FAM193A: variants seen among roughly 807,000 people sequenced by gnomAD.
The protein encoded by FAM193A is protein FAM193A.
In FAM193A, 22 loss-of-function variants were observed where a neutral mutation model predicts 126.5. The ratio of observed to expected loss-of-function variants is 0.17; its 90% CI spans 0.12 to 0.25. The LOEUF (loss-of-function observed/expected upper bound fraction) is 0.25, where lower values mean the gene tolerates loss of function less well. Among genes scored for constraint, FAM193A ranks in the 10% least tolerant of loss-of-function variants. The pLI, the probability that FAM193A is intolerant of heterozygous loss-of-function variation, is 1.00. For synonymous variants in FAM193A, 761 were observed against 646.8 expected (o/e 1.18, Z -2.68); for missense variants, 1,675 against 1,672.8 (o/e 1.00, Z -0.02).
intron 15 of FAM193A, among the ~76,000 whole-genome samples, 167 bp from the exon 16 acceptor site, chr4:2,693,419 G>T (rs1352149202): frequency 6.6e-6 from 1 of 152,220 alleles, no homozygotes; most frequent in Non-Finnish European, 1.5e-5. Flanking sequence ...TAAAAAGTGT[G>T]TGTGCCTGTA....
At chr4:2,648,761 C>G (rs1003748659) in intron 7 of FAM193A, among the ~76,000 whole-genome samples, 1 of 152,252 alleles carries the variant, frequency 6.6e-6, no homozygotes, top group African/African-American at 2.4e-5. Flanking sequence ...GTTTGCTGTT[C>G]TGGTAGAGGG....
At chr4:2,594,318 A>G (rs115030146) in intron 1 of FAM193A, among the ~76,000 whole-genome samples, 2,650 of 152,270 alleles carry the variant, frequency 0.017, 60 homozygotes, top group African/African-American at 0.051. Flanking sequence ...TCCGTTATGT[A>G]CAGTGGGTCC....
chr4:2,717,348 T>G (rs1172659836), intron 20 of FAM193A, among the ~76,000 whole-genome samples: 2 of 152,102 alleles, frequency 1.3e-5, no homozygotes, highest in Non-Finnish European at 2.9e-5. Context: ...ATCCCAACAC[T>G]TTGGGAGGCC....
chr4:2,575,389 C>A (rs144788303), intron 1 of FAM193A, among the ~76,000 whole-genome samples: 2 of 151,544 alleles, frequency 1.3e-5, no homozygotes, highest in Admixed American at 1.3e-4. Context: ...ATAGGGAAAT[C>A]GTTTTGAAGA....
intron 1 of FAM193A, among the ~76,000 whole-genome samples, chr4:2,537,516 G>T (rs964968764): frequency 6.6e-6 from 1 of 152,242 alleles, no homozygotes; most frequent in Admixed American, 6.5e-5. Context: ...CTCCGCGCAC[G>T]GCGCTTCGCC....
chr4:2,699,291 A>T (rs2109305047), intron 18 of FAM193A, among the ~76,000 whole-genome samples: 1 of 152,226 alleles, frequency 6.6e-6, no homozygotes, highest in East Asian at 1.9e-4. Context: ...TGGTTACATC[A>T]TCCACTCGGC....
chr4:2,601,747 C>CA (rs916931547), intron 2 of FAM193A, among the ~76,000 whole-genome samples: 11 of 151,014 alleles, frequency 7.3e-5, no homozygotes, highest in Non-Finnish European at 1.0e-4. Flanking sequence ...AATTATAAAC[C>CA]AAAAAAAAGT....
intron 13 of FAM193A, among the ~76,000 whole-genome samples, chr4:2,675,687 G>A (rs1280549396): frequency 1.3e-5 from 2 of 152,196 alleles, no homozygotes; most frequent in African/African-American, 4.8e-5. Flanking sequence ...ATTTTTAAGT[G>A]TAGAATTCAG....
At chr4:2,673,790 C>G (rs541361746) in intron 13 of FAM193A, among the ~76,000 whole-genome samples, 1 of 151,948 alleles carries the variant, frequency 6.6e-6, no homozygotes, top group African/African-American at 2.4e-5. Flanking sequence ...GAATTAGTTC[C>G]GAAAAATAAG....
In FAM193A at chr4:2,604,905, C is replaced by T. The variant is rs1361281995; in HGVS notation, c.501+8576C>T. ...CTCGACCTCCTGGGCTCAAGTGATT[C>T]TCCCAGCTTAGCCTCCTGAGTAGCT... On this transcript the variant is annotated intron_variant, in intron 2 of 20. Coordinates refer to ENST00000637812, the MANE Select transcript of FAM193A (RefSeq NM_001366318.2). 5.6e-5 allele frequency among the ~76,000 whole-genome samples: 8 copies of T among 141,944 alleles called. No homozygotes were observed. The Admixed American group carries it at 6.0e-4, about 11-fold the overall frequency. 93.1% of individuals were successfully genotyped at this position (141,944 alleles called of 152,430 possible).
chr4:2,672,010 G>A, intron 12 of FAM193A, 111 bp from the exon 13 acceptor site: 1 of 1,201,232 alleles, frequency 8.3e-7, no homozygotes, highest in East Asian at 2.4e-5. Flanking sequence ...GTCAGGAAAA[G>A]CCCACTTACC....
At position 2,610,738 on chromosome 4, in the gene FAM193A, T is replaced by TCA. The variant is rs1385329536; in HGVS notation, c.501+14410_501+14411dup. On this transcript the variant is annotated intron_variant, in intron 2 of 20. Coordinates refer to ENST00000637812, the MANE Select transcript of FAM193A (RefSeq NM_001366318.2). The stretch of plus-strand genomic sequence containing the variant: ...TAGAGCTACTAGGAACATTTGAGTA[T>TCA]CAGTCTTTTTTTTTTTGAGATGGAG... Among the ~76,000 whole-genome samples, 9 of 152,058 alleles carry TCA rather than the reference T, an allele frequency of 5.9e-5. No homozygotes were observed. In the East Asian group the frequency reaches 1.5e-3, roughly 26 times the overall value.
chr4:2,590,798 C>T (rs976668107), intron 1 of FAM193A, among the ~76,000 whole-genome samples: 14 of 151,852 alleles, frequency 9.2e-5, no homozygotes, highest in East Asian at 1.9e-4. Context: ...GAGGCCGAGG[C>T]GGGTGGATCA....
intron 5 of FAM193A, among the ~76,000 whole-genome samples, chr4:2,639,112 T>A: frequency 6.6e-6 from 1 of 152,204 alleles, no homozygotes; most frequent in East Asian, 1.9e-4. Flanking sequence ...TCAACCTCAG[T>A]GATCTTGTGT....
chr4:2,615,134 TCAAA>T (rs1276913315), intron 2 of FAM193A: 6 of 152,368 alleles, frequency 3.9e-5, no homozygotes, highest in East Asian at 1.9e-4. Context: ...TTAAGAGCAG[TCAAA>T]CAAAGCAGTG....
At chr4:2,596,402 A>G in intron 2 of FAM193A, 73 bp downstream of exon 2, 1 of 662,330 alleles carries the variant, frequency 1.5e-6, no homozygotes, top group Non-Finnish European at 2.8e-6. Flanking sequence ...ACTGGCAGTG[A>G]AAGAAATGGA....
At position 2,659,887 on chromosome 4, in the gene FAM193A, C is replaced by G; in HGVS notation, c.1578C>G (p.Ile526Met). 6.2e-7 allele frequency: 1 copy of G among 1,614,156 alleles called. No homozygotes were observed. Among genetic ancestry groups the G allele is most frequent in the Non-Finnish European group, 8.5e-7 (1 of 1,180,026 alleles). ...GIMDPPVTDD[I>M]HIHQLPLQVD... ...TGGACCCCCCCGTCACTGATGACAT[C>G]CACATTCACCAGCTCCCACTTCAAG... The change falls in exon 10 of 21, where the codon ATC becomes ATG. Residue 526 changes from isoleucine to methionine, a missense_variant. Around this residue, in one of 4 missense-constraint regions of FAM193A, gnomAD observed 1,186 missense variants for 1,109.2 expected, o/e 1.07. Transcript: ENST00000637812.
At chr4:2,663,542 T>TAA (rs775167398) in intron 12 of FAM193A, among the ~76,000 whole-genome samples, 1 of 151,092 alleles carries the variant, frequency 6.6e-6, no homozygotes, top group Non-Finnish European at 1.5e-5. Flanking sequence ...AGAGAGGAGT[T>TAA]AAAAAAAAAT....
At chr4:2,675,144 A>G (rs1714250817) in intron 13 of FAM193A, among the ~76,000 whole-genome samples, 1 of 152,114 alleles carries the variant, frequency 6.6e-6, no homozygotes. Flanking sequence ...TTATTAAGGT[A>G]TGTTTTATGG....
Sources: allele counts gnomAD v4.1 joint callset (sites outside exome capture counted in the v4.1 genomes callset), GRCh38; gene constraint gnomAD v4.1.1; regional missense constraint gnomAD v4.1.1; transcripts MANE v1.5; gene names NCBI Gene and HGNC (gene_info 2026-07-23, HGNC 2026-07-21).